The following FAIM variants were observed in gnomAD, a reference collection of about 807,000 sequenced individuals.
FAIM encodes the protein Fas apoptotic inhibitory molecule, also known as fas apoptotic inhibitory molecule 1.
A neutral mutation model predicts 21.2 loss-of-function variants in FAIM; 14 were observed. The observed-to-expected ratio is 0.66, with a 90% CI of 0.44 to 1.03. The LOEUF (loss-of-function observed/expected upper bound fraction) is 1.03. Among genes scored for constraint, FAIM ranks in the 50% least tolerant of loss-of-function variants. The probability of loss-of-function intolerance (pLI) is 0.00; values close to 1 mark genes in which losing one functional copy is unlikely to be tolerated. For synonymous variants in FAIM, 86 were observed against 80.4 expected (o/e 1.07, Z -0.37); for missense variants, 222 against 247.1 (o/e 0.90, Z 0.68).
chr3:138,614,934 C>T (rs2042810656), intron 1 of FAIM, among the ~76,000 whole-genome samples: 1 of 152,178 alleles, frequency 6.6e-6, no homozygotes, highest in South Asian at 2.1e-4. Context: ...GAACAAGACC[C>T]TGTCTCAAAA....
chr3:138,610,259 G>A (rs2042752990), intron 1 of FAIM, among the ~76,000 whole-genome samples: 2 of 152,282 alleles, frequency 1.3e-5, no homozygotes, highest in South Asian at 2.1e-4. Flanking sequence ...CAGTGGCAAC[G>A]TGTTGGTGTT....
intron 4 of FAIM, 106 bp from the exon 5 acceptor site, chr3:138,629,001 T>G (rs2042972145): frequency 3.9e-6 from 3 of 769,804 alleles, no homozygotes; most frequent in South Asian, 4.0e-5. Flanking sequence ...AATGGAGTTT[T>G]AGAGATCTGG....
intron 1 of FAIM, chr3:138,610,877 C>T (rs2042760484): frequency 1.6e-6 from 2 of 1,250,626 alleles, no homozygotes; most frequent in African/African-American, 3.0e-5. Context: ...AGCCATCGCG[C>T]CTGGCCACTT....
intron 3 of FAIM, 128 bp from the exon 4 acceptor site, chr3:138,622,059 CA>C: frequency 2.6e-6 from 2 of 772,568 alleles, no homozygotes; most frequent in Non-Finnish European, 4.0e-6. Flanking sequence ...GGATTACAGG[CA>C]TGAGCCACCA....
chr3:138,613,327 C>G (rs2042791572), intron 1 of FAIM, among the ~76,000 whole-genome samples: 1 of 151,732 alleles, frequency 6.6e-6, no homozygotes, highest in Non-Finnish European at 1.5e-5. Flanking sequence ...GCCCCTTTCC[C>G]ATTTTTAAAT....
chr3:138,611,042 G>T (rs751187212), intron 1 of FAIM: 1 of 1,609,338 alleles, frequency 6.2e-7, no homozygotes, highest in Non-Finnish European at 8.5e-7. Flanking sequence ...TCTGAGGTTA[G>T]TGCCCTGCCC....
chr3:138,630,541 A>G (rs1373758989), intron 5 of FAIM: 1 of 152,166 alleles, frequency 6.6e-6, no homozygotes, highest in East Asian at 1.9e-4. Context: ...ATTTGGGCTC[A>G]CTCTAAATTG....
intron 1 of FAIM, chr3:138,611,161 AT>A: frequency 1.2e-6 from 1 of 802,542 alleles, no homozygotes; most frequent in Middle Eastern, 2.5e-4. Context: ...TGTGACAGAT[AT>A]TTCTGAGTGA....
At chr3:138,622,164 A>G in intron 3 of FAIM, 24 bp from the exon 4 acceptor site, 1 of 1,533,796 alleles carries the variant, frequency 6.5e-7, no homozygotes, top group Non-Finnish European at 8.8e-7. Flanking sequence ...CATTTGTTTC[A>G]TATTTTTCTG....
At chr3:138,617,958 A>G (rs1178198877) in intron 1 of FAIM, among the ~76,000 whole-genome samples, 1 of 145,370 alleles carries the variant, frequency 6.9e-6, no homozygotes, top group Non-Finnish European at 1.5e-5. Flanking sequence ...TAGTAACTAT[A>G]TATTATATAT....
intron 1 of FAIM, among the ~76,000 whole-genome samples, chr3:138,617,270 G>C: frequency 6.6e-6 from 1 of 151,188 alleles, no homozygotes; most frequent in Non-Finnish European, 1.5e-5. Context: ...TAGAGTCTCT[G>C]AAAATTGAAG....
intron 1 of FAIM, among the ~76,000 whole-genome samples, chr3:138,609,799 CGTT>C (rs1577002604): frequency 6.6e-6 from 1 of 152,046 alleles, no homozygotes; most frequent in East Asian, 1.9e-4. Flanking sequence ...CATTGAGCAT[CGTT>C]GTATCTGGGT....
intron 2 of FAIM, among the ~76,000 whole-genome samples, chr3:138,620,280 G>A (rs1577011422): frequency 6.6e-6 from 1 of 152,176 alleles, no homozygotes; most frequent in Non-Finnish European, 1.5e-5. Context: ...TATATTTAAA[G>A]CTCTTAGAAC....
chr3:138,631,371 T>G (rs1177671020), intron 5 of FAIM, among the ~76,000 whole-genome samples: 1 of 152,160 alleles, frequency 6.6e-6, no homozygotes, highest in Non-Finnish European at 1.5e-5. Flanking sequence ...ACTACAGTTG[T>G]ACCCCTGTAC....
intron 3 of FAIM, 120 bp downstream of exon 3, chr3:138,621,659 G>A (rs1023895384): frequency 6.1e-6 from 5 of 815,718 alleles, no homozygotes; most frequent in Middle Eastern, 6.2e-4. Flanking sequence ...TTTTTGATCT[G>A]TATCATTTTG....
At chr3:138,629,274 A>T (rs2042976917) in intron 5 of FAIM, 118 bp downstream of exon 5, 6 of 789,736 alleles carry the variant, frequency 7.6e-6, no homozygotes, top group Non-Finnish European at 1.2e-5. Context: ...ATAAAAACAA[A>T]AAAGGGATTA....
At chr3:138,613,690 G>A (rs970941131) in intron 1 of FAIM, among the ~76,000 whole-genome samples, 6 of 152,060 alleles carry the variant, frequency 3.9e-5, no homozygotes, top group Non-Finnish European at 7.4e-5. Flanking sequence ...TCCCTATGTT[G>A]CCCAGGCTGG....
At chr3:138,616,716 T>C (rs2042829039) in intron 1 of FAIM, among the ~76,000 whole-genome samples, 1 of 152,216 alleles carries the variant, frequency 6.6e-6, no homozygotes, top group South Asian at 2.1e-4. Context: ...AAGATTTTTT[T>C]AGTGTTTTGC....
intron 4 of FAIM, among the ~76,000 whole-genome samples, chr3:138,622,816 A>G (rs969052783): frequency 2.0e-5 from 3 of 152,136 alleles, no homozygotes; most frequent in Non-Finnish European, 4.4e-5. Context: ...AGGCGGGTGG[A>G]TCACCTGAGG....
Sources: gnomAD v4.1 joint callset for allele counts (sites outside exome capture counted in the v4.1 genomes callset) on GRCh38, gnomAD v4.1.1 for gene constraint, MANE v1.5 for transcripts, NCBI Gene and HGNC (gene_info 2026-07-23, HGNC 2026-07-21) for gene names.